Variants in SMIM17 observed in about 807,000 individuals in gnomAD.
SMIM17 encodes the protein small integral membrane protein 17.
Under a neutral mutation model 12.2 loss-of-function variants are expected in SMIM17, and 10 were observed. The ratio of observed to expected loss-of-function variants is 0.82; its 90% CI spans 0.50 to 1.39. SMIM17 has a LOEUF of 1.39. Among genes scored for constraint, SMIM17 ranks in the 40% most tolerant of loss-of-function variants. SMIM17 has a pLI of 0.00. For missense variants in SMIM17, 136 were observed against 118.2 expected (o/e 1.15, Z -0.70); for synonymous variants, 50 against 44.1 (o/e 1.13, Z -0.53).
intron 2 of SMIM17, among the ~76,000 whole-genome samples, chr19:56,646,955 G>A (rs1192678774): frequency 6.6e-6 from 1 of 152,156 alleles, no homozygotes; most frequent in Non-Finnish European, 1.5e-5. Context: ...GGATAACAGA[G>A]GCCAGCTCTG....
intron 3 of SMIM17, among the ~76,000 whole-genome samples, chr19:56,649,318 A>G (rs1000593495): frequency 6.6e-6 from 1 of 152,196 alleles, no homozygotes; most frequent in Non-Finnish European, 1.5e-5. Flanking sequence ...TTGCACGTCT[A>G]TTTCTTGAGC....
At chr19:56,652,101 C>CAAA (rs57264842) in intron 3 of SMIM17, among the ~76,000 whole-genome samples, 1 of 66,854 alleles carries the variant, frequency 1.5e-5, no homozygotes, top group Non-Finnish European at 2.6e-5. Flanking sequence ...GAGACTCTGC[C>CAAA]AAAAAAAAAA....
At position 56,656,761 on chromosome 19, in the gene SMIM17, A is replaced by AT. The variant is rs1033831225; in HGVS notation, c.*1554dup. On this transcript the variant is annotated 3_prime_UTR_variant, in exon 4 of 4. Coordinates refer to ENST00000598409, the MANE Select transcript of SMIM17 (RefSeq NM_001193628.2). Reference sequence around the variant, plus strand: ...GCTTTGAAACTCAGTGATTTGGTTTATTTTTTGTTTAAAAATAGTTTTGTT... The same window carrying AT: ...GCTTTGAAACTCAGTGATTTGGTTTATTTTTTTGTTTAAAAATAGTTTTGTT... 6.6e-6 allele frequency among the ~76,000 whole-genome samples: 1 copy of AT among 152,186 alleles called. No homozygotes were observed. Among genetic ancestry groups the AT allele is most frequent in the Admixed American group, 6.5e-5 (1 of 15,278 alleles).
intron 1 of SMIM17, 69 bp from the exon 2 acceptor site, chr19:56,645,499 T>C: frequency 1.9e-6 from 1 of 531,684 alleles, no homozygotes; most frequent in African/African-American, 2.0e-5. Flanking sequence ...GTATTTCTAA[T>C]GCTTACAGTC....
At chr19:56,647,765 C>A (rs865800030) in intron 3 of SMIM17, 131 bp downstream of exon 3, 1 of 758,710 alleles carries the variant, frequency 1.3e-6, no homozygotes, top group Non-Finnish European at 2.2e-6. Context: ...TGTGTCTGAT[C>A]TCTATGGTGA....
At chr19:56,650,749 GA>G (rs1465285173) in intron 3 of SMIM17, among the ~76,000 whole-genome samples, 1 of 152,198 alleles carries the variant, frequency 6.6e-6, no homozygotes, top group Non-Finnish European at 1.5e-5. Context: ...AAAGGTGAAG[GA>G]ACAGGGACAA....
chr19:56,654,748 T>A lies in SMIM17; in HGVS notation c.247-355T>A, dbSNP rs557169775. ...CAGATATCCAACTGGAGATGGCAAATAGGCAGTGAGATATATAGTTGGGTC... is the reference window on the plus strand; with the variant it reads ...CAGATATCCAACTGGAGATGGCAAAAAGGCAGTGAGATATATAGTTGGGTC... On this transcript the variant is annotated intron_variant, in intron 3 of 3. Transcript: ENST00000598409. Among the ~76,000 whole-genome samples the A allele has an allele frequency of 1.8e-4, 27 of 152,180 alleles. No homozygotes were observed. In the South Asian group the frequency reaches 4.2e-3, roughly 23 times the overall value.
chr19:56,646,844 A>C (rs999592970), intron 2 of SMIM17, among the ~76,000 whole-genome samples: 1 of 152,162 alleles, frequency 6.6e-6, no homozygotes, highest in African/African-American at 2.4e-5. Flanking sequence ...ATTTGCCGAC[A>C]TCTCAATGAC....
intron 3 of SMIM17, 28 bp from the exon 4 acceptor site, chr19:56,655,075 T>G (rs528912162): frequency 4.5e-6 from 3 of 668,422 alleles, no homozygotes; most frequent in African/African-American, 3.6e-5. Context: ...CTTTCCAATA[T>G]TTATCCTTTT....
At chr19:56,644,288 T>A (rs973955888) in intron 1 of SMIM17, among the ~76,000 whole-genome samples, 3 of 152,058 alleles carry the variant, frequency 2.0e-5, no homozygotes, top group African/African-American at 7.2e-5. Context: ...CCCACGAAGG[T>A]CCCATAGGAA....
intron 1 of SMIM17, among the ~76,000 whole-genome samples, chr19:56,643,938 T>C (rs2148036532): frequency 6.6e-6 from 1 of 152,264 alleles, no homozygotes; most frequent in South Asian, 2.1e-4. Flanking sequence ...TTGTTGTGAC[T>C]GCGTCTCCAT....
In SMIM17 at chr19:56,653,568, G is replaced by C. The variant is rs2045125927; in HGVS notation, c.247-1535G>C. Among the ~76,000 whole-genome samples the C allele has an allele frequency of 2.0e-5, 3 of 152,136 alleles. No homozygotes were observed. In the South Asian group the frequency reaches 6.2e-4, roughly 31 times the overall value. On this transcript the variant is annotated intron_variant, in intron 3 of 3. Coordinates refer to ENST00000598409, the MANE Select transcript of SMIM17 (RefSeq NM_001193628.2). The stretch of plus-strand genomic sequence containing the variant: ...TTCAGTTGGCCCAATTTTACGCATG[G>C]ATTATGAGGAACTTTATAAAAATTC...
chr19:56,647,451 G>GAGAGA (rs2045073322), intron 2 of SMIM17, 107 bp from the exon 3 acceptor site: 4 of 667,140 alleles, frequency 6.0e-6, no homozygotes, highest in East Asian at 2.8e-5. Context: ...GAGAGAGAGA[G>GAGAGA]GAGGCTATTA....
At chr19:56,644,239 C>A (rs1374410450) in intron 1 of SMIM17, among the ~76,000 whole-genome samples, 1 of 152,024 alleles carries the variant, frequency 6.6e-6, no homozygotes, top group Non-Finnish European at 1.5e-5. Context: ...AAGCAATAAA[C>A]AAATCAGAAC....
Position 56,656,904 on chromosome 19 carries a change from G to A in SMIM17, c.*1691G>A, listed in dbSNP as rs2045155704. 1.3e-5 allele frequency among the ~76,000 whole-genome samples: 2 copies of A among 152,088 alleles called. No individual in the cohort carries two copies. Among genetic ancestry groups the A allele is most frequent in the Admixed American group, 6.5e-5 (1 of 15,274 alleles). On this transcript the variant is annotated 3_prime_UTR_variant, in exon 4 of 4. Transcript: ENST00000598409. ...TGTCCATTTTTTGTAATTGTTTCAC[G>A]AACATTTAAGATGAAGATATCTTCT...
intron 3 of SMIM17, among the ~76,000 whole-genome samples, chr19:56,651,474 G>C (rs1301311963): frequency 6.6e-6 from 1 of 152,132 alleles, no homozygotes; most frequent in Non-Finnish European, 1.5e-5. Context: ...TGTGGGCACA[G>C]AAGAAAGCAA....
chr19:56,653,981 G>C (rs540460031), intron 3 of SMIM17, among the ~76,000 whole-genome samples: 96 of 151,866 alleles, frequency 6.3e-4, no homozygotes, highest in Non-Finnish European at 1.2e-3. Flanking sequence ...TATTTTAATA[G>C]CAATTGCACT....
At chr19:56,648,061 CCATCCATCCATCCAT>C (rs2045078697) in intron 3 of SMIM17, among the ~76,000 whole-genome samples, 1 of 97,408 alleles carries the variant, frequency 1.0e-5, no homozygotes, top group African/African-American at 4.5e-5. Context: ...TTCCATCCAT[CCATCCATCCATCCAT>C]CCATCCATCC....
intron 3 of SMIM17, among the ~76,000 whole-genome samples, chr19:56,648,006 T>A (rs28566712): frequency 0.69 from 104,392 of 150,762 alleles, 36,282 homozygotes; most frequent in East Asian, 0.87. Context: ...CTGTCCACTC[T>A]TTCATCCACC....
Sources: allele counts gnomAD v4.1 joint callset (sites outside exome capture counted in the v4.1 genomes callset), GRCh38; gene constraint gnomAD v4.1.1; transcripts MANE v1.5; gene names NCBI Gene and HGNC (gene_info 2026-07-23, HGNC 2026-07-21).